The following IL12RB1 variants were observed in gnomAD, a reference collection of about 807,000 sequenced individuals.
The protein encoded by IL12RB1 is interleukin-12 receptor subunit beta-1.
In IL12RB1, 64 loss-of-function variants were observed where a neutral mutation model predicts 94.4. The observed-to-expected ratio is 0.68, with a 90% CI of 0.55 to 0.83. The LOEUF is 0.83. IL12RB1 is among the 40% of genes least tolerant of loss of function. The pLI is 0.00. For missense variants in IL12RB1, 814 were observed against 855.6 expected (o/e 0.95, Z 0.61); for synonymous variants, 362 against 355.5 (o/e 1.02, Z -0.21).
intron 1 of IL12RB1, among the ~76,000 whole-genome samples, chr19:18,096,832 T>TAA (rs147883182): frequency 4.1e-4 from 56 of 135,112 alleles, no homozygotes; most frequent in South Asian, 9.9e-4. Flanking sequence ...TCTCATAAAT[T>TAA]AAAAAAAAAA....
chr19:18,061,915 G>A (rs1335518049), intron 14 of IL12RB1, among the ~76,000 whole-genome samples: 1 of 151,256 alleles, frequency 6.6e-6, no homozygotes, highest in Non-Finnish European at 1.5e-5. Flanking sequence ...CCCTTAATCT[G>A]CATGCAATTA....
chr19:18,067,587 A>G (rs1426130716), intron 11 of IL12RB1, among the ~76,000 whole-genome samples: 1 of 152,082 alleles, frequency 6.6e-6, no homozygotes, highest in African/African-American at 2.4e-5. Context: ...GTGGATCACG[A>G]GGTTAGGCAT....
intron 1 of IL12RB1, among the ~76,000 whole-genome samples, chr19:18,093,307 A>G (rs1249791272): frequency 6.8e-6 from 1 of 146,770 alleles, no homozygotes; most frequent in Admixed American, 6.7e-5. Flanking sequence ...CTTTTGTCTC[A>G]AAAACAAAAA....
chr19:18,082,379 C>G, intron 2 of IL12RB1, 115 bp from the exon 3 acceptor site: 1 of 712,306 alleles, frequency 1.4e-6, no homozygotes, highest in Non-Finnish European at 2.6e-6. Context: ...TAAACCCTCC[C>G]CGCGTCCTTC....
At chr19:18,083,614 T>G in intron 1 of IL12RB1, 123 bp from the exon 2 acceptor site, 1 of 828,108 alleles carries the variant, frequency 1.2e-6, no homozygotes, top group Non-Finnish European at 2.0e-6. Context: ...TTCCCATCTA[T>G]GCACCCTCCT....
chr19:18,071,661 G>A (rs1374035292), intron 9 of IL12RB1, among the ~76,000 whole-genome samples: 1 of 151,944 alleles, frequency 6.6e-6, no homozygotes, highest in African/African-American at 2.4e-5. Context: ...ACTGCATTAT[G>A]GATCTTGATT....
rs546567746 is a variant in IL12RB1, at chr19:18,076,174, C to G, written c.580+123G>C. The G allele has an allele frequency of 7.7e-5, 57 of 735,822 alleles. 1 individual carries two copies. The East Asian group carries it at 1.4e-3, about 18-fold the overall frequency. 45.6% of individuals were successfully genotyped at this position (735,822 alleles called of 1,614,324 possible). A position where few individuals can be genotyped will look rare whatever the true frequency, so the allele number is the denominator to read the frequency against. ...CCTGCAATTTGGAAAGAATCCAATA[C>G]TGAACTATGGGGCAGGGTAAGAGGC... On this transcript the variant is annotated intron_variant, in intron 6 of 16. Transcript: ENST00000593993.
intron 12 of IL12RB1, 86 bp from the exon 13 acceptor site, chr19:18,064,096 G>T: frequency 1.2e-6 from 1 of 866,268 alleles, no homozygotes; most frequent in Non-Finnish European, 1.9e-6. Context: ...TGGGTGGGGT[G>T]GGGATTCATA....
At chr19:18,085,337 A>AC (rs2036256865) in intron 1 of IL12RB1, among the ~76,000 whole-genome samples, 1 of 43,964 alleles carries the variant, frequency 2.3e-5, no homozygotes. Context: ...CAGAACCCCC[A>AC]CCCACCCACC....
At chr19:18,062,427 G>C in intron 13 of IL12RB1, 150 bp from the exon 14 acceptor site, 1 of 571,600 alleles carries the variant, frequency 1.7e-6, no homozygotes, top group Non-Finnish European at 3.1e-6. Flanking sequence ...GAACCCACCT[G>C]CCCGGTAGCT....
Position 18,068,390 on chromosome 19 carries a change from A to C in IL12RB1, c.1326T>G (p.Asn442Lys), listed in dbSNP as rs190491500. 1 of 1,609,710 alleles carries C rather than the reference A, an allele frequency of 6.2e-7. No homozygotes were observed. Among genetic ancestry groups the C allele is most frequent in the African/African-American group, 1.3e-5 (1 of 74,600 alleles). ...AACCTGCAGGTTTGGGTCACTTACC[A>C]TTGCCCCCAAAGTGGTAGGTGGACA... ...TVLSTYHFGG[N>K]ASAAGTPHHV... The change falls in exon 11 of 17, where the codon AAT becomes AAG. Residue 442 changes from asparagine to lysine, a missense_variant and splice_region_variant. Coordinates refer to ENST00000593993, the MANE Select transcript of IL12RB1 (RefSeq NM_005535.3).
At chr19:18,095,521 G>A (rs1364670801) in intron 1 of IL12RB1, among the ~76,000 whole-genome samples, 1 of 152,196 alleles carries the variant, frequency 6.6e-6, no homozygotes, top group Non-Finnish European at 1.5e-5. Context: ...GGGGCTGAGA[G>A]AGGGGGAATG....
At chr19:18,071,994 T>C (rs947906198) in intron 9 of IL12RB1, 118 bp downstream of exon 9, 9 of 739,124 alleles carry the variant, frequency 1.2e-5, no homozygotes, top group Non-Finnish European at 2.2e-5. Context: ...CACCCCTAAA[T>C]CAGGCACTCC....
upstream of IL12RB1, among the ~76,000 whole-genome samples, chr19:18,088,584 A>T (rs2036487644): frequency 6.7e-6 from 1 of 149,728 alleles, no homozygotes; most frequent in African/African-American, 2.5e-5. Flanking sequence ...AAAAAAAAAA[A>T]TTTAAGAGAT....
intron 1 of IL12RB1, chr19:18,097,689 C>T: frequency 1.4e-6 from 1 of 711,010 alleles, no homozygotes; most frequent in Non-Finnish European, 1.9e-6. Flanking sequence ...AGGGGCGGGG[C>T]CAGGCCGTGT....
intron 2 of IL12RB1, among the ~76,000 whole-genome samples, chr19:18,082,774 G>A (rs1225386856): frequency 2.6e-5 from 4 of 152,168 alleles, no homozygotes; most frequent in Admixed American, 6.6e-5. Context: ...TGCATTAGGA[G>A]CATAAATGTT....
chr19:18,097,719 A>C, intron 1 of IL12RB1: 1 of 1,037,358 alleles, frequency 9.6e-7, no homozygotes, highest in Non-Finnish European at 1.2e-6. Context: ...GGCCTGGCCA[A>C]TGGCACCTGG....
At chr19:18,061,583 G>C (rs921927864) in intron 14 of IL12RB1, among the ~76,000 whole-genome samples, 1 of 151,990 alleles carries the variant, frequency 6.6e-6, no homozygotes, top group Non-Finnish European at 1.5e-5. Context: ...CCTTTCCATG[G>C]GAATGACCAA....
intron 4 of IL12RB1, among the ~76,000 whole-genome samples, chr19:18,078,622 A>G (rs12609086): frequency 0.1 from 15,525 of 151,038 alleles, 937 homozygotes; most frequent in East Asian, 0.28. Flanking sequence ...TGATCCGCCC[A>G]CCTCGGGCTC....
Sources: allele counts gnomAD v4.1 joint callset (sites outside exome capture counted in the v4.1 genomes callset), GRCh38; gene constraint gnomAD v4.1.1; transcripts MANE v1.5; gene names NCBI Gene and HGNC (gene_info 2026-07-23, HGNC 2026-07-21).